Variants in STOX2 observed in about 807,000 individuals in gnomAD.
STOX2 encodes storkhead box 2.
Under a neutral mutation model 60.9 loss-of-function variants are expected in STOX2, and 28 were observed. The ratio of observed to expected loss-of-function variants is 0.46; its 90% CI spans 0.34 to 0.63. The LOEUF (loss-of-function observed/expected upper bound fraction) is 0.63. Ranked by LOEUF, STOX2 falls within the 30% of genes least tolerant of loss-of-function variation. The pLI, the probability that STOX2 is intolerant of heterozygous loss-of-function variation, is 0.01. For synonymous variants in STOX2, 472 were observed against 463.9 expected (o/e 1.02, Z -0.22); for missense variants, 1,024 against 1,187.7 (o/e 0.86, Z 2.03).
At chr4:183,900,564 A>G (rs1382145713), upstream of STOX2, among the ~76,000 whole-genome samples, 2 of 152,230 alleles carry the variant, frequency 1.3e-5, no homozygotes, top group Non-Finnish European at 2.9e-5. Context: ...AATGTTCCGT[A>G]TACTAGAGAT....
intron 1 of STOX2, among the ~76,000 whole-genome samples, chr4:183,857,248 C>T (rs766420773): frequency 6.9e-6 from 1 of 143,890 alleles, no homozygotes; most frequent in Admixed American, 7.0e-5. Flanking sequence ...CTGGTCATCT[C>T]GCAGGACTGG....
chr4:183,867,818 T>TA (rs1740605261), intron 1 of STOX2, among the ~76,000 whole-genome samples: 13 of 152,182 alleles, frequency 8.5e-5, no homozygotes, highest in Admixed American at 6.5e-4. Context: ...GAAAGGTACC[T>TA]CACAGCCCCA....
At chr4:183,899,673 G>C (rs1741421491) in intron 1 of STOX2, among the ~76,000 whole-genome samples, 1 of 152,188 alleles carries the variant, frequency 6.6e-6, no homozygotes, top group South Asian at 2.1e-4. Context: ...GCAGAGGTTG[G>C]TTCATGAGGC....
chr4:183,923,889 C>T (rs953039946), intron 1 of STOX2, among the ~76,000 whole-genome samples: 4 of 152,098 alleles, frequency 2.6e-5, no homozygotes, highest in African/African-American at 7.2e-5. Context: ...ATATACCCTC[C>T]GGAAGGTAGG....
chr4:183,822,585 A>G (rs948473697), intron 1 of STOX2, among the ~76,000 whole-genome samples: 8 of 152,174 alleles, frequency 5.3e-5, no homozygotes, highest in Non-Finnish European at 8.8e-5. Context: ...CGCAGTTCAC[A>G]AAAGGGTTCA....
intron 1 of STOX2, among the ~76,000 whole-genome samples, chr4:183,804,955 T>C (rs547114495): frequency 2.6e-4 from 39 of 152,304 alleles, no homozygotes; most frequent in Non-Finnish European, 5.4e-4. Context: ...CATCAAGAGG[T>C]AAATTTGCTG....
intron 1 of STOX2, among the ~76,000 whole-genome samples, chr4:183,935,818 C>A (rs991142523): frequency 2.0e-5 from 3 of 152,160 alleles, no homozygotes; most frequent in African/African-American, 7.2e-5. Context: ...TCTTCTCATG[C>A]AGAGATTTCT....
chr4:183,849,233 C>A (rs1386642736), intron 1 of STOX2, among the ~76,000 whole-genome samples: 1 of 152,158 alleles, frequency 6.6e-6, no homozygotes, highest in Non-Finnish European at 1.5e-5. Flanking sequence ...GGGTTGGAGG[C>A]AGGCTGGAGT....
intron 1 of STOX2, among the ~76,000 whole-genome samples, chr4:183,832,777 A>G (rs1739604185): frequency 6.6e-6 from 1 of 152,008 alleles, no homozygotes; most frequent in Admixed American, 6.5e-5. Context: ...GGCGTGAGCC[A>G]CCACACCCAG....
intron 1 of STOX2, among the ~76,000 whole-genome samples, chr4:183,908,592 GTTTT>G (rs10671305): frequency 1.6e-5 from 2 of 126,714 alleles, no homozygotes; most frequent in Non-Finnish European, 3.2e-5. Flanking sequence ...CAGGCAGCCA[GTTTT>G]TTTTTTTTTT....
chr4:183,999,930 C>G (rs1354520138), intron 1 of STOX2, among the ~76,000 whole-genome samples: 2 of 152,142 alleles, frequency 1.3e-5, no homozygotes, highest in Admixed American at 6.5e-5. Flanking sequence ...CGGTTTTGGT[C>G]AACCATGGTA....
intron 1 of STOX2, among the ~76,000 whole-genome samples, chr4:183,805,056 C>G (rs769613102): frequency 1.3e-4 from 20 of 152,112 alleles, no homozygotes; most frequent in Non-Finnish European, 2.4e-4. Context: ...GCTTTCTGTT[C>G]CTGAGGTCGA....
At chr4:183,885,790 C>G (rs2111176982) in intron 1 of STOX2, among the ~76,000 whole-genome samples, 1 of 152,326 alleles carries the variant, frequency 6.6e-6, no homozygotes, top group Admixed American at 6.5e-5. Flanking sequence ...TGATAATTGA[C>G]CAATAGCCAA....
rs567917140 is a variant in STOX2, at chr4:183,844,297, A to G, written c.364+46242A>G. 2.2e-3 allele frequency among the ~76,000 whole-genome samples: 325 copies of G among 150,754 alleles called. 1 individual carries two copies. The highest frequency in any genetic ancestry group is 7.8e-3 in the African/African-American group (313 of 40,228). On this transcript the variant is annotated intron_variant, in intron 1 of 2. Transcript: ENST00000513034. ...AGGAAAGCAACAATTGTTTTCCTAG[A>G]AAAAAAACCTGAGAACTCATTTCTC...
chr4:184,014,539 T>C (rs149553869), intron 3 of STOX2: 1 of 151,710 alleles, frequency 6.6e-6, no homozygotes, highest in African/African-American at 2.4e-5. Flanking sequence ...CCTGAAATCC[T>C]GTTTTTCAGG....
At position 184,010,860 on chromosome 4, in the gene STOX2, G is replaced by T; in HGVS notation, c.2022G>T (p.Gly674=). The change falls in exon 3 of 4, where the codon GGG becomes GGT. Residue 674 remains glycine, a synonymous_variant. Coordinates refer to ENST00000308497, the MANE Select transcript of STOX2 (RefSeq NM_020225.3). This position sits in a 1 kb window ranked among gnomAD's most constrained non-coding sequence, Gnocchi z 4.5. ...CTGCTTCGGGAGGAGTGGCTGAAGG[G>T]ATCGCCAACGGACGCCTCGTCCAGC... is the stretch of plus-strand genomic sequence containing the variant. ...GPAASGGVAE[G]IANGRLVQHH... is the part of the protein sequence containing the mutation. 3 of 1,608,032 alleles carry T rather than the reference G, an allele frequency of 1.9e-6. No individual in the cohort carries two copies. Among genetic ancestry groups the T allele is most frequent in the Non-Finnish European group, 2.5e-6 (3 of 1,177,036 alleles).
At chr4:183,950,972 T>A (rs1015287211) in intron 1 of STOX2, among the ~76,000 whole-genome samples, 2 of 151,872 alleles carry the variant, frequency 1.3e-5, no homozygotes, top group Non-Finnish European at 2.9e-5. Context: ...TCCCAGCACT[T>A]TGGGAGGCCG....
chr4:183,873,483 C>A (rs964897550), intron 1 of STOX2, among the ~76,000 whole-genome samples: 1 of 147,064 alleles, frequency 6.8e-6, no homozygotes, highest in East Asian at 2.0e-4. Flanking sequence ...TGGTTGATTT[C>A]TTTGGGTGTT....
In STOX2 at chr4:184,019,826, T is replaced by A. The variant is rs1734505930; in HGVS notation, c.*2542T>A. 1 of 152,176 alleles carries A rather than the reference T, an allele frequency of 6.6e-6. No individual in the cohort carries two copies. The highest frequency in any genetic ancestry group is 1.5e-5 in the Non-Finnish European group (1 of 68,030). 9.4% of individuals were successfully genotyped at this position (152,176 alleles called of 1,614,324 possible). On this transcript the variant is annotated 3_prime_UTR_variant, in exon 4 of 4. Coordinates refer to ENST00000308497, the MANE Select transcript of STOX2 (RefSeq NM_020225.3). The stretch of plus-strand genomic sequence containing the variant: ...GGAGGAGTGGCAGCCGGCAGCACAT[T>A]GCAAATGTCATTCGAGGTCACGGTG...
Sources: gnomAD v4.1 joint callset for allele counts (sites outside exome capture counted in the v4.1 genomes callset) on GRCh38, gnomAD v4.1.1 for gene constraint, Gnocchi (gnomAD v3.1) non-coding constraint, MANE v1.5 for transcripts, NCBI Gene and HGNC (gene_info 2026-07-23, HGNC 2026-07-21) for gene names.